The following SDHA variants were observed in gnomAD, a reference collection of about 807,000 sequenced individuals.
The protein encoded by SDHA is succinate dehydrogenase [ubiquinone] flavoprotein subunit, mitochondrial.
Under a neutral mutation model 78.4 loss-of-function variants are expected in SDHA, and 48 were observed. The ratio of observed to expected loss-of-function variants is 0.61; its 90% confidence interval spans 0.49 to 0.78. The LOEUF (loss-of-function observed/expected upper bound fraction) is 0.78. Ranked by LOEUF, SDHA falls within the 30% of genes least tolerant of loss-of-function variation. The probability of loss-of-function intolerance (pLI) is 0.00; values close to 1 mark genes in which losing one functional copy is unlikely to be tolerated. For missense variants in SDHA, 680 were observed against 892.7 expected (o/e 0.76, Z 3.04); for synonymous variants, 326 against 353.9 (o/e 0.92, Z 0.88).
intron 5 of SDHA, among the ~76,000 whole-genome samples, chr5:226,448 A>G (rs1395044319): frequency 6.6e-6 from 1 of 152,112 alleles, no homozygotes; most frequent in Non-Finnish European, 1.5e-5. Context: ...CCTGGACAAC[A>G]TAGCAAGACC....
At chr5:220,772 A>G (rs761762660) in intron 1 of SDHA, among the ~76,000 whole-genome samples, 1 of 151,570 alleles carries the variant, frequency 6.6e-6, no homozygotes, top group Non-Finnish European at 1.5e-5. Context: ...GCTCTTGAGA[A>G]CCAGGGCTCA....
chr5:221,633 A>AT (rs1360633694), intron 1 of SDHA, among the ~76,000 whole-genome samples: 1 of 137,460 alleles, frequency 7.3e-6, no homozygotes, highest in Admixed American at 7.0e-5. Flanking sequence ...TATGTTCCCC[A>AT]TTTTTTTTCT....
At chr5:236,176 C>G in intron 9 of SDHA, 1 of 505,484 alleles carries the variant, frequency 2.0e-6, no homozygotes, top group East Asian at 3.7e-5. Flanking sequence ...AGGCACCCGC[C>G]ATTATGCCCC....
intron 9 of SDHA, 105 bp from the exon 10 acceptor site, chr5:236,323 C>G: frequency 8.2e-7 from 1 of 1,217,126 alleles, no homozygotes; most frequent in Non-Finnish European, 1.2e-6. Flanking sequence ...CACGCCTGGC[C>G]TACTTCCCTC....
At chr5:232,689 C>G (rs1735487261) in intron 7 of SDHA, among the ~76,000 whole-genome samples, 2 of 151,592 alleles carry the variant, frequency 1.3e-5, no homozygotes, top group African/African-American at 4.8e-5. Flanking sequence ...AGACAAGAAT[C>G]ACATTCGTTT....
chr5:231,069 C>T, intron 7 of SDHA, 69 bp downstream of exon 7: 2 of 1,530,096 alleles, frequency 1.3e-6, no homozygotes, highest in South Asian at 2.2e-5. Flanking sequence ...GATGCCTACT[C>T]ATTGCTCTTC....
chr5:225,686 A>C (rs1217982792), intron 4 of SDHA, 124 bp downstream of exon 4: 1 of 1,435,804 alleles, frequency 7.0e-7, no homozygotes, highest in Non-Finnish European at 9.7e-7. Flanking sequence ...CAAAGTTCAC[A>C]AGAAGAGTCT....
At chr5:250,328 T>C (rs1359449787) in intron 11 of SDHA, 1 of 156,652 alleles carries the variant, frequency 6.4e-6, no homozygotes, top group African/African-American at 2.4e-5. Flanking sequence ...GTGGTGCCTG[T>C]CCCACAGGAA....
At position 223,545 on chromosome 5, in the gene SDHA, G is replaced by T; in HGVS notation, c.127G>T (p.Ala43Ser). ...CTTCACTGTTGATGGGAACAAGAGG[G>T]CATCTGCTAAAGTTTCAGATTCCGT... ...FHFTVDGNKRASAKVSDSISA... is the reference protein window; with the variant it reads ...FHFTVDGNKRSSAKVSDSISA... Residue 43 changes from alanine to serine, a missense_variant, in exon 2 of 15, where the codon GCA (alanine) becomes TCA (serine). Physicochemically the swap from Ala to Ser is moderately conservative, Grantham distance 99. Transcript: ENST00000264932. 6.2e-7 allele frequency: 1 copy of T among 1,613,582 alleles called. No homozygotes were observed. Among genetic ancestry groups the T allele is most frequent in the Non-Finnish European group, 8.5e-7 (1 of 1,179,516 alleles).
At chr5:258,406 G>A (rs1260319201), downstream of SDHA, among the ~76,000 whole-genome samples, 64 of 119,140 alleles carry the variant, frequency 5.4e-4, 6 homozygotes, top group Non-Finnish European at 8.1e-4. Flanking sequence ...GAGCATTACC[G>A]TTTGAGCTCC....
downstream of SDHA, among the ~76,000 whole-genome samples, chr5:259,769 A>G: frequency 2.8e-5 from 1 of 35,860 alleles, no homozygotes. Context: ...TCCGAGCATT[A>G]CCGTGTGAGC....
At chr5:248,851 A>G (rs1736636727) in intron 11 of SDHA, among the ~76,000 whole-genome samples, 1 of 152,222 alleles carries the variant, frequency 6.6e-6, no homozygotes, top group African/African-American at 2.4e-5. Context: ...GGTAGAAATG[A>G]TAAGAAATAC....
rs998290258 is a variant in SDHA, at chr5:239,241, C to T, written c.1433-1117C>T. On this transcript the variant is annotated intron_variant, in intron 10 of 14. Transcript: ENST00000264932. ...TAACGTTATAAAAAAAACTTAAAAA[C>T]TTTTTTCAAGACATCGTAGAAACAC... Among the ~76,000 whole-genome samples the T allele has an allele frequency of 4.3e-3, 657 of 151,508 alleles. 5 individuals are homozygous for T. The highest frequency in any genetic ancestry group is 0.012 in the African/African-American group (490 of 41,056).
At chr5:257,763 C>T (rs1233304057), downstream of SDHA, among the ~76,000 whole-genome samples, 1 of 106,806 alleles carries the variant, frequency 9.4e-6, no homozygotes, top group Non-Finnish European at 1.8e-5. Context: ...GTGTGAGCTC[C>T]GCCCCTGCCA....
intron 9 of SDHA, chr5:236,029 C>T (rs6873679): frequency 0.17 from 47,754 of 283,950 alleles, 7,676 homozygotes; most frequent in African/African-American, 0.52. Flanking sequence ...ACTTCCCTCT[C>T]TTTTTTTTTC....
At chr5:265,035 C>A in the SDHA span, among the ~76,000 whole-genome samples, 1 of 152,126 alleles carries the variant, frequency 6.6e-6, no homozygotes, top group Admixed American at 6.5e-5. Context: ...TGGTGAAACC[C>A]CATCTCTACT....
downstream of SDHA, among the ~76,000 whole-genome samples, chr5:258,341 A>C (rs1737339139): frequency 9.1e-6 from 1 of 109,320 alleles, no homozygotes; most frequent in Non-Finnish European, 1.7e-5. Flanking sequence ...TCAGAGCATT[A>C]GTGTGTGAGC....
intron 7 of SDHA, among the ~76,000 whole-genome samples, chr5:232,187 T>C (rs1735448248): frequency 6.6e-6 from 1 of 152,100 alleles, no homozygotes; most frequent in South Asian, 2.1e-4. Context: ...GGGATGAAAA[T>C]AAGAAATGAA....
intron 11 of SDHA, among the ~76,000 whole-genome samples, chr5:241,182 G>C (rs1736117155): frequency 6.6e-6 from 1 of 152,176 alleles, no homozygotes. Context: ...GTGTGCTTGG[G>C]TGTGACCTCC....
Sources: allele counts gnomAD v4.1 joint callset (sites outside exome capture counted in the v4.1 genomes callset), GRCh38; gene constraint gnomAD v4.1.1; transcripts MANE v1.5; gene names NCBI Gene and HGNC (gene_info 2026-07-23, HGNC 2026-07-21).